KMT5A: variants seen among roughly 807,000 people sequenced by gnomAD.
KMT5A encodes N-lysine methyltransferase KMT5A.
A neutral mutation model predicts 40.6 loss-of-function variants in KMT5A; 6 were observed. The ratio of observed to expected loss-of-function variants is 0.15; its 90% CI spans 0.08 to 0.29. KMT5A has a LOEUF of 0.29. KMT5A is among the 10% of genes least tolerant of loss of function. KMT5A has a pLI of 1.00. For missense variants in KMT5A, 308 were observed against 459.1 expected (o/e 0.67, Z 3.01); for synonymous variants, 153 against 178.8 (o/e 0.86, Z 1.15).
chr12:123,389,567 C>T lies in KMT5A; in HGVS notation c.132+13C>T. On this transcript the variant is annotated intron_variant, in intron 2 of 7. Transcript: ENST00000402868. Reference sequence around the variant, plus strand: ...CCGCACCGACGGGGTAAGCAGGCACCCTCCCCGCACCCCTGCGGCGCGCCC... The same window carrying T: ...CCGCACCGACGGGGTAAGCAGGCACTCTCCCCGCACCCCTGCGGCGCGCCC... 1 of 1,080,868 alleles carries T rather than the reference C, an allele frequency of 9.3e-7. No homozygotes were observed. The highest frequency in any genetic ancestry group is 1.1e-6 in the Non-Finnish European group (1 of 892,502). 67.0% of individuals were successfully genotyped at this position (1,080,868 alleles called of 1,614,324 possible). A position where few individuals can be genotyped will look rare whatever the true frequency, so the allele number is the denominator to read the frequency against.
rs931566006 is a variant in KMT5A at position 123,389,668 on chromosome 12, T to C, written c.132+114T>C. 22 of 804,034 alleles carry C rather than the reference T, an allele frequency of 2.7e-5. No individual in the cohort carries two copies. The Admixed American group carries it at 2.9e-4, about 11-fold the overall frequency. 49.8% of individuals were successfully genotyped at this position (804,034 alleles called of 1,614,324 possible). ...CGCCCGGCCGGGCCGCTTCCTTTGC[T>C]GCCGCCTGGCTGGGAGTGGCGCCCA... On this transcript the variant is annotated intron_variant, in intron 2 of 7. Transcript: ENST00000402868.
chr12:123,402,855 T>C lies in KMT5A; in HGVS notation c.598-718T>C, dbSNP rs116438426. The stretch of plus-strand genomic sequence containing the variant: ...AGTATGAGCCATCAGACCAGAGCCA[T>C]GTGGACTGCGTGTGTCCCATCCAAA... On this transcript the variant is annotated intron_variant, in intron 5 of 7. Transcript: ENST00000402868. Among the ~76,000 whole-genome samples the C allele has an allele frequency of 6.6e-3, 1,009 of 152,318 alleles. 5 individuals are homozygous for C. Among genetic ancestry groups the C allele is most frequent in the African/African-American group, 0.022 (899 of 41,574 alleles).
intron 7 of KMT5A, among the ~76,000 whole-genome samples, chr12:123,407,018 C>CAAAA (rs56732264): frequency 3.9e-4 from 11 of 28,462 alleles, no homozygotes; most frequent in South Asian, 1.7e-3. Flanking sequence ...GACTCCCTCT[C>CAAAA]AAAAAAAAAA....
Position 123,384,294 on chromosome 12 carries a change from G to A in KMT5A, c.10+86G>A. On this transcript the variant is annotated intron_variant, in intron 1 of 7. Coordinates refer to ENST00000402868, the MANE Select transcript of KMT5A (RefSeq NM_020382.7). This position sits in a 1 kb window ranked among gnomAD's most constrained non-coding sequence, Gnocchi z 5.7. ...CCGGGGTGGAGGCAGCGGCTGCGGG[G>A]AGGCGTCCTCCTCGGGTGGCTCGGG... 1.3e-6 allele frequency: 2 copies of A among 1,568,508 alleles called. No homozygotes were observed. The highest frequency in any genetic ancestry group is 1.7e-6 in the Non-Finnish European group (2 of 1,157,250).
intron 7 of KMT5A, among the ~76,000 whole-genome samples, chr12:123,405,677 C>T (rs1432335305): frequency 6.6e-6 from 1 of 151,394 alleles, no homozygotes; most frequent in Non-Finnish European, 1.5e-5. Context: ...TCACCACGCC[C>T]AGCTAATTCT....
intron 1 of KMT5A, among the ~76,000 whole-genome samples, chr12:123,385,851 C>T (rs552043698): frequency 1.7e-4 from 26 of 152,026 alleles, no homozygotes; most frequent in African/African-American, 6.3e-4. Context: ...GACTCCATCT[C>T]AAAAAAACAA....
At chr12:123,385,734 C>G (rs1030790399) in intron 1 of KMT5A, among the ~76,000 whole-genome samples, 4 of 151,998 alleles carry the variant, frequency 2.6e-5, no homozygotes, top group African/African-American at 9.7e-5. Flanking sequence ...GCCTGTAATC[C>G]CAGCTACTTG....
In KMT5A at chr12:123,395,078, C is replaced by T. The variant is rs373920335; in HGVS notation, c.321C>T (p.Ser107=). ...EKRNAGNAVR[S]AMKSEEQKIK... ...GAAATGCTGGGAACGCAGTACGGAG[C>T]GCCATGAAGTCCGAGGAACAGAAGA... is the stretch of plus-strand genomic sequence containing the variant. Residue 107 remains serine, a synonymous_variant, in exon 4 of 8, where the codon AGC becomes AGT. Coordinates refer to ENST00000402868, the MANE Select transcript of KMT5A (RefSeq NM_020382.7). 769 of 1,584,724 alleles carry T rather than the reference C, an allele frequency of 4.9e-4. No individual in the cohort carries two copies. Among genetic ancestry groups the T allele is most frequent in the Non-Finnish European group, 6.4e-4 (746 of 1,165,354 alleles).
intron 1 of KMT5A, 189 bp from the exon 2 acceptor site, chr12:123,389,244 G>A (rs1241883525): frequency 6.4e-6 from 1 of 155,226 alleles, no homozygotes; most frequent in East Asian, 2.2e-4. Context: ...GCCGGGCCGG[G>A]CGGCGGGAGG....
chr12:123,403,750 A>G (rs558846942), intron 6 of KMT5A, 118 bp downstream of exon 6: 1 of 1,088,532 alleles, frequency 9.2e-7, no homozygotes, highest in Non-Finnish European at 1.4e-6. Context: ...CATGGTGACC[A>G]GGCAGACTCT....
intron 3 of KMT5A, 150 bp downstream of exon 3, chr12:123,390,936 A>G (rs772325303): frequency 1.6e-5 from 15 of 931,146 alleles, no homozygotes; most frequent in Non-Finnish European, 2.2e-5. Context: ...TGCTGAAAGA[A>G]TGGCTTGTCC....
At chr12:123,387,315 G>A (rs1876933077) in intron 1 of KMT5A, among the ~76,000 whole-genome samples, 1 of 152,230 alleles carries the variant, frequency 6.6e-6, no homozygotes, top group Admixed American at 6.5e-5. Flanking sequence ...GGGCTCAAAT[G>A]CAGAGAAAGC....
chr12:123,398,324 A>C (rs1163279057), intron 5 of KMT5A, among the ~76,000 whole-genome samples: 1 of 150,552 alleles, frequency 6.6e-6, no homozygotes, highest in Non-Finnish European at 1.5e-5. Flanking sequence ...AGGTGGTGCC[A>C]GACCACAGAA....
At chr12:123,402,258 G>A (rs1318639457) in intron 5 of KMT5A, among the ~76,000 whole-genome samples, 1 of 152,246 alleles carries the variant, frequency 6.6e-6, no homozygotes, top group Non-Finnish European at 1.5e-5. Context: ...TGAAAGCCTG[G>A]TGACTAGCAA....
At chr12:123,387,342 G>A (rs1367970504) in intron 1 of KMT5A, among the ~76,000 whole-genome samples, 1 of 152,204 alleles carries the variant, frequency 6.6e-6, no homozygotes, top group East Asian at 1.9e-4. Flanking sequence ...CATGAGTGGG[G>A]CGTGGGGTGT....
At position 123,403,701 on chromosome 12, in the gene KMT5A, C is replaced by T. The variant is rs971841369; in HGVS notation, c.657+69C>T. The T allele has an allele frequency of 1.9e-6, 3 of 1,579,506 alleles. No individual in the cohort carries two copies. In the Admixed American group the frequency reaches 5.0e-5, roughly 26 times the overall value. ...GAGCTCACCTTCCCTGGTCCCGTGG[C>T]TGAGAGTGGCCACCATGTGGCTTTC... On this transcript the variant is annotated intron_variant, in intron 6 of 7. Transcript: ENST00000402868.
At chr12:123,388,174 A>G (rs376681644) in intron 1 of KMT5A, among the ~76,000 whole-genome samples, 12 of 152,208 alleles carry the variant, frequency 7.9e-5, no homozygotes, top group African/African-American at 2.9e-4. Flanking sequence ...ACCCTTCTGC[A>G]AGACCATTTG....
chr12:123,405,147 C>T, intron 7 of KMT5A, 73 bp downstream of exon 7: 2 of 1,404,556 alleles, frequency 1.4e-6, no homozygotes, highest in Non-Finnish European at 1.9e-6. Flanking sequence ...GCCAGGAACT[C>T]CTGATTCTGT....
chr12:123,390,762 G>C lies in KMT5A; in HGVS notation c.265G>C (p.Ala89Pro). 6.2e-7 allele frequency: 1 copy of C among 1,613,944 alleles called. No individual in the cohort carries two copies. The highest frequency in any genetic ancestry group is 8.5e-7 in the Non-Finnish European group (1 of 1,179,846). ...HEVKCQGKPL[A>P]GIYRKREEKR... ...AGTCAAATGCCAGGGGAAACCATTA[G>C]CCGGAATCTACAGGAAACGAGAAGG... Residue 89 changes from alanine (A) to proline (P), a missense_variant, in exon 3 of 8, where the codon GCC becomes CCC. This residue lies in a region of KMT5A where 127 missense variants were observed against 129.8 expected (regional missense o/e 0.98). Transcript: ENST00000402868.
Sources: gnomAD v4.1 joint callset for allele counts (sites outside exome capture counted in the v4.1 genomes callset) on GRCh38, gnomAD v4.1.1 for gene constraint, gnomAD v4.1.1 regional missense constraint, Gnocchi (gnomAD v3.1) non-coding constraint, MANE v1.5 for transcripts, NCBI Gene and HGNC (gene_info 2026-07-23, HGNC 2026-07-21) for gene names.